Variants in EYA3 observed in about 807,000 individuals in gnomAD.
The protein encoded by EYA3 is EYA transcriptional coactivator and phosphatase 3.
In EYA3, 39 loss-of-function variants were observed where a neutral mutation model predicts 80.0. The ratio of observed to expected loss-of-function variants is 0.49; its 90% CI spans 0.38 to 0.64. EYA3 has a LOEUF of 0.64. Among genes scored for constraint, EYA3 ranks in the 30% least tolerant of loss-of-function variants. The pLI, the probability that EYA3 is intolerant of heterozygous loss-of-function variation, is 0.00. For synonymous variants in EYA3, 206 were observed against 232.8 expected (o/e 0.88, Z 1.05); for missense variants, 523 against 676.1 (o/e 0.77, Z 2.51).
intron 12 of EYA3, among the ~76,000 whole-genome samples, chr1:27,997,675 T>C (rs1209454436): frequency 6.6e-6 from 1 of 152,206 alleles, no homozygotes; most frequent in Non-Finnish European, 1.5e-5. Flanking sequence ...ACTTCAAATG[T>C]TCTTATGTCC....
At chr1:28,062,659 TG>T (rs912815087) in intron 1 of EYA3, among the ~76,000 whole-genome samples, 2 of 132,072 alleles carry the variant, frequency 1.5e-5, no homozygotes, top group African/African-American at 6.0e-5. Flanking sequence ...TATATGTAGG[TG>T]TGTGTGTGTG....
intron 14 of EYA3, among the ~76,000 whole-genome samples, chr1:27,991,699 C>T (rs537936368): frequency 3.9e-5 from 6 of 152,020 alleles, no homozygotes; most frequent in Non-Finnish European, 7.4e-5. Context: ...AAAACCAGTA[C>T]CTATATATGA....
chr1:28,056,407 G>A (rs1308526281), intron 2 of EYA3, among the ~76,000 whole-genome samples: 1 of 152,076 alleles, frequency 6.6e-6, no homozygotes, highest in Admixed American at 6.5e-5. Context: ...TTTGCCTCCT[G>A]ACCAACAGTG....
In EYA3 at chr1:28,003,337, C is replaced by G. The variant is rs1041204505; in HGVS notation, c.993+999G>C. Among the ~76,000 whole-genome samples, 6 of 151,956 alleles carry G rather than the reference C, an allele frequency of 3.9e-5. No homozygotes were observed. In the South Asian group the frequency reaches 1.2e-3, roughly 32 times the overall value. On this transcript the variant is annotated intron_variant, in intron 11 of 17. Transcript: ENST00000373871. ...CAACAAAATTAGCCAGGCATGGTAA[C>G]GGGCACCTGTAATCCTAGCTACTTG...
chr1:28,029,801 G>A (rs1404533273), intron 6 of EYA3, among the ~76,000 whole-genome samples: 1 of 151,656 alleles, frequency 6.6e-6, no homozygotes, highest in Non-Finnish European at 1.5e-5. Context: ...CACTATGTTG[G>A]TCAGGCTGGT....
chr1:28,000,634 T>C (rs925803221), intron 11 of EYA3, among the ~76,000 whole-genome samples: 3 of 151,854 alleles, frequency 2.0e-5, no homozygotes, highest in Non-Finnish European at 2.9e-5. Context: ...TTTAAAAAGA[T>C]ACAATGCTGA....
chr1:28,000,153 T>C, intron 11 of EYA3, 104 bp from the exon 12 acceptor site: 1 of 639,312 alleles, frequency 1.6e-6, no homozygotes, highest in Non-Finnish European at 2.7e-6. Flanking sequence ...ACACACGAGC[T>C]CCCAACTGTG....
intron 1 of EYA3, among the ~76,000 whole-genome samples, chr1:28,068,415 T>C (rs908038400): frequency 6.6e-6 from 1 of 152,148 alleles, no homozygotes; most frequent in Non-Finnish European, 1.5e-5. Context: ...CTCTATCCTA[T>C]GTTACATTAC....
rs530301370 is a variant in EYA3, at chr1:28,083,384, G to A, written c.-69+5140C>T. Among the ~76,000 whole-genome samples the A allele has an allele frequency of 1.5e-4, 23 of 152,286 alleles. 1 individual carries two copies. In the South Asian group the frequency reaches 4.8e-3, roughly 32 times the overall value. On this transcript the variant is annotated intron_variant, in intron 1 of 17. Transcript: ENST00000373871. ...AAAATACAAAAATTAGCCGGGCTTGGTGGCACACGCCTGTAATCCCAGCTA... is the reference window on the plus strand; with the variant it reads ...AAAATACAAAAATTAGCCGGGCTTGATGGCACACGCCTGTAATCCCAGCTA...
In EYA3 at chr1:27,973,956, TC is replaced by T. The variant is rs1638819791; in HGVS notation, c.*509del. ...GACTCTAAGACTGCAAGAGATGTTATCATAAAAGTCTGCTGCATTTATCTGA... is the reference window on the plus strand; with the variant it reads ...GACTCTAAGACTGCAAGAGATGTTATATAAAAGTCTGCTGCATTTATCTGA... On this transcript the variant is annotated 3_prime_UTR_variant, in exon 18 of 18. Transcript: ENST00000373871. The T allele has an allele frequency of 2.6e-5, 4 of 152,318 alleles. 1 individual carries two copies. The highest frequency in any genetic ancestry group is 6.5e-5 in the Admixed American group (1 of 15,292). 9.4% of individuals were successfully genotyped at this position (152,318 alleles called of 1,614,324 possible).
In EYA3 at chr1:27,972,213, T is replaced by C. The variant is rs947403602; in HGVS notation, c.*2253A>G. On this transcript the variant is annotated 3_prime_UTR_variant, in exon 18 of 18. Coordinates refer to ENST00000373871, the MANE Select transcript of EYA3 (RefSeq NM_001990.4). ...ACAAAAACCCAACAGCTATACTGCA[T>C]AGGGGGAGGGTTTGAGGCCTCAGAG... is the stretch of plus-strand genomic sequence containing the variant. 2 of 152,094 alleles carry C rather than the reference T, an allele frequency of 1.3e-5. No individual in the cohort carries two copies. The highest frequency in any genetic ancestry group is 2.9e-5 in the Non-Finnish European group (2 of 68,032). 9.4% of individuals were successfully genotyped at this position (152,094 alleles called of 1,614,324 possible).
intron 13 of EYA3, among the ~76,000 whole-genome samples, chr1:27,994,288 T>G (rs1014127739): frequency 6.6e-6 from 1 of 152,180 alleles, no homozygotes; most frequent in African/African-American, 2.4e-5. Flanking sequence ...AACTAAAGCC[T>G]TCTGTCATCA....
Position 28,009,728 on chromosome 1 carries a change from A to G in EYA3, c.909+1219T>C, listed in dbSNP as rs1571788028. On this transcript the variant is annotated intron_variant, in intron 10 of 17. Coordinates refer to ENST00000373871, the MANE Select transcript of EYA3 (RefSeq NM_001990.4). The surrounding 1 kb of genome is among the most constrained non-coding windows in gnomAD (Gnocchi z 4.8). ...AAAAGGATACATTTTCTGTGATTCC[A>G]CTTATATGAGATATCTAGAATAAGA... Among the ~76,000 whole-genome samples, 2 of 152,330 alleles carry G rather than the reference A, an allele frequency of 1.3e-5. No individual in the cohort carries two copies. Among genetic ancestry groups the G allele is most frequent in the East Asian group, 3.9e-4 (2 of 5,186 alleles).
At position 27,974,268 on chromosome 1, in the gene EYA3, AGAGAGAGAGAGAGGCAGAGAGGGAGG is replaced by A. The variant is rs1351286634; in HGVS notation, c.*172_*197del. The A allele has an allele frequency of 2.4e-6, 1 of 418,866 alleles. No homozygotes were observed. Among genetic ancestry groups the A allele is most frequent in the East Asian group, 3.8e-5 (1 of 26,188 alleles). The allele number at this position is 418,866 out of a possible 1,614,324, so 25.9% of individuals were successfully genotyped here. A position where few individuals can be genotyped will look rare whatever the true frequency, so the allele number is the denominator to read the frequency against. On this transcript the variant is annotated 3_prime_UTR_variant, in exon 18 of 18. Transcript: ENST00000373871. ...ATTCCATGGATAAAGACAGAGAGAG[AGAGAGAGAGAGAGGCAGAGAGGGAGG>A]GAGAGAGGAAGGGAGGGAGGGAGAG...
chr1:27,981,925 A>G (rs1303850926), intron 16 of EYA3, among the ~76,000 whole-genome samples: 2 of 152,088 alleles, frequency 1.3e-5, no homozygotes, highest in African/African-American at 4.8e-5. Context: ...TGCAGCCTCA[A>G]ACTTGTGGGC....
chr1:28,034,803 T>C (rs1643355887), intron 6 of EYA3, among the ~76,000 whole-genome samples: 1 of 152,164 alleles, frequency 6.6e-6, no homozygotes, highest in Non-Finnish European at 1.5e-5. Context: ...TATAATTTTG[T>C]TACATATTAC....
intron 6 of EYA3, among the ~76,000 whole-genome samples, chr1:28,028,207 G>GA (rs531773615): frequency 2.0e-5 from 3 of 151,908 alleles, no homozygotes; most frequent in Non-Finnish European, 2.9e-5. Flanking sequence ...CCAGGATTCA[G>GA]AAAAAAAGAG....
intron 14 of EYA3, among the ~76,000 whole-genome samples, chr1:27,991,694 C>A (rs1307421160): frequency 6.6e-6 from 1 of 152,112 alleles, no homozygotes; most frequent in Non-Finnish European, 1.5e-5. Context: ...ACAACAAAAC[C>A]AGTACCTATA....
intron 2 of EYA3, among the ~76,000 whole-genome samples, 184 bp downstream of exon 2, chr1:28,057,810 C>T (rs1484456533): frequency 6.6e-6 from 1 of 151,974 alleles, no homozygotes; most frequent in Non-Finnish European, 1.5e-5. Flanking sequence ...TTTCGTAATG[C>T]TAAATTTTCC....
Sources: gnomAD v4.1 joint callset for allele counts (sites outside exome capture counted in the v4.1 genomes callset) on GRCh38, gnomAD v4.1.1 for gene constraint, Gnocchi (gnomAD v3.1) non-coding constraint, MANE v1.5 for transcripts, NCBI Gene and HGNC (gene_info 2026-07-23, HGNC 2026-07-21) for gene names.